The following KAT14 variants were observed in gnomAD, a reference collection of about 807,000 sequenced individuals.
KAT14 encodes cysteine-rich protein 2-binding protein.
A neutral mutation model predicts 78.4 loss-of-function variants in KAT14; 66 were observed. The ratio of observed to expected loss-of-function variants is 0.84; its 90% CI spans 0.69 to 1.03. The LOEUF is 1.03. Among genes scored for constraint, KAT14 ranks in the 50% least tolerant of loss-of-function variants. The pLI is 0.00. For missense variants in KAT14, 870 were observed against 972.5 expected (o/e 0.89, Z 1.40); for synonymous variants, 344 against 359.4 (o/e 0.96, Z 0.48).
chr20:18,149,745 G>A (rs1239745404), intron 3 of KAT14, among the ~76,000 whole-genome samples: 1 of 152,092 alleles, frequency 6.6e-6, no homozygotes, highest in Admixed American at 6.6e-5. Context: ...GGCTGAGGCG[G>A]GCAGGTCACT....
chr20:18,183,008 T>G, intron 8 of KAT14, 115 bp from the exon 9 acceptor site: 1 of 1,392,650 alleles, frequency 7.2e-7, no homozygotes. Flanking sequence ...TGTAAAACAG[T>G]GCAGGTTACT....
At chr20:18,183,522 T>A (rs946918725) in intron 9 of KAT14, 1 of 985,208 alleles carries the variant, frequency 1.0e-6, no homozygotes, top group Non-Finnish European at 1.2e-6. Context: ...TCCCTGTTTG[T>A]CTCTGTTTCC....
intron 1 of KAT14, among the ~76,000 whole-genome samples, chr20:18,138,841 A>C (rs1378493674): frequency 6.6e-6 from 1 of 152,162 alleles, no homozygotes; most frequent in Non-Finnish European, 1.5e-5. Context: ...CTACCTCACT[A>C]AGCACCTTGG....
chr20:18,166,111 A>G (rs1600229959), intron 7 of KAT14, among the ~76,000 whole-genome samples: 1 of 152,364 alleles, frequency 6.6e-6, no homozygotes, highest in African/African-American at 2.4e-5. Context: ...CACAGAGACA[A>G]AAGGTATCTC....
intron 7 of KAT14, among the ~76,000 whole-genome samples, chr20:18,166,713 A>G (rs1208402841): frequency 1.3e-5 from 2 of 152,060 alleles, no homozygotes; most frequent in South Asian, 4.2e-4. Context: ...TCTGTATTTG[A>G]TCTCCTGTTT....
chr20:18,183,035 A>T, intron 8 of KAT14, 88 bp from the exon 9 acceptor site: 1 of 1,503,898 alleles, frequency 6.6e-7, no homozygotes, highest in Non-Finnish European at 8.9e-7. Context: ...TTTCAAGCAG[A>T]TCAAAGAGTT....
intron 2 of KAT14, among the ~76,000 whole-genome samples, chr20:18,144,742 G>A (rs1380383158): frequency 6.6e-6 from 1 of 152,180 alleles, no homozygotes; most frequent in Non-Finnish European, 1.5e-5. Context: ...AGAACAACTT[G>A]GGTGATTCCA....
chr20:18,154,067 C>T (rs1349072419), intron 4 of KAT14, among the ~76,000 whole-genome samples: 3 of 152,170 alleles, frequency 2.0e-5, no homozygotes, highest in Admixed American at 2.0e-4. Flanking sequence ...CACCCGGTTT[C>T]ATGCTACAGT....
rs189831857 is a variant in KAT14 at position 18,151,476 on chromosome 20, C to T, written c.500+534C>T. 2.1e-3 allele frequency among the ~76,000 whole-genome samples: 311 copies of T among 151,224 alleles called. 1 individual carries two copies. The highest frequency in any genetic ancestry group is 3.4e-3 in the Middle Eastern group (1 of 290). ...CTTCCCAAAGTGCTTGGATTACAGG[C>T]GTGAGCCACTGCGCCTGGCCTTATA... On this transcript the variant is annotated intron_variant, in intron 4 of 10. Transcript: ENST00000688188.
chr20:18,180,076 C>A (rs2039194064), intron 7 of KAT14, among the ~76,000 whole-genome samples: 1 of 152,096 alleles, frequency 6.6e-6, no homozygotes, highest in South Asian at 2.1e-4. Context: ...ACCATGTTGG[C>A]CAGGCTGGTC....
chr20:18,179,230 A>G (rs996540462), intron 7 of KAT14, among the ~76,000 whole-genome samples: 2 of 152,306 alleles, frequency 1.3e-5, no homozygotes, highest in East Asian at 3.9e-4. Context: ...CCAGTTGCAC[A>G]GTGCAGGCTA....
Position 18,162,841 on chromosome 20 carries a change from G to T in KAT14, c.1564G>T (p.Asp522Tyr). 6.2e-7 allele frequency: 1 copy of T among 1,614,168 alleles called. No homozygotes were observed. Among genetic ancestry groups the T allele is most frequent in the South Asian group, 1.1e-5 (1 of 91,086 alleles). ...QVVNAALLLV[D>Y]GIYGAKEGGI... ...TGTTAATGCTGCTCTTTTGTTAGTT[G>T]ACGGGATTTATGGAGCCAAAGAAGG... The change falls in exon 7 of 11, where the codon GAC (aspartate) becomes TAC (tyrosine). Residue 522 changes from aspartate to tyrosine, a missense_variant. Coordinates refer to ENST00000688188, the MANE Select transcript of KAT14 (RefSeq NM_001392073.1).
In KAT14 at chr20:18,140,382, A is replaced by C. The variant is rs535593557; in HGVS notation, c.-453-1826A>C. On this transcript the variant is annotated intron_variant, in intron 1 of 10. Coordinates refer to ENST00000688188, the MANE Select transcript of KAT14 (RefSeq NM_001392073.1). ...CCTCATAATGAAGCTGTAGGCCTGG[A>C]GGAGGTCCAGCAAGTAGGTATTATA... Among the ~76,000 whole-genome samples the C allele has an allele frequency of 4.6e-4, 70 of 152,232 alleles. No homozygotes were observed. The South Asian group carries it at 6.8e-3, about 15-fold the overall frequency.
intron 10 of KAT14, among the ~76,000 whole-genome samples, chr20:18,185,064 A>G (rs2039410273): frequency 6.6e-6 from 1 of 152,224 alleles, no homozygotes; most frequent in Non-Finnish European, 1.5e-5. Flanking sequence ...AGAAAATACC[A>G]AAAGCAAGAG....
intron 7 of KAT14, among the ~76,000 whole-genome samples, chr20:18,171,577 C>T (rs572570775): frequency 6.2e-4 from 95 of 152,136 alleles, no homozygotes; most frequent in Non-Finnish European, 1.0e-3. Context: ...TTTGGGAGGC[C>T]GAGGCGGGCG....
At chr20:18,173,260 C>T (rs1009998675) in intron 7 of KAT14, among the ~76,000 whole-genome samples, 7 of 152,278 alleles carry the variant, frequency 4.6e-5, no homozygotes, top group East Asian at 1.9e-4. Flanking sequence ...TAGACTTGTC[C>T]GCATTGAGCC....
intron 3 of KAT14, among the ~76,000 whole-genome samples, chr20:18,146,791 G>C (rs2037844598): frequency 1.3e-5 from 2 of 152,006 alleles, no homozygotes; most frequent in African/African-American, 4.8e-5. Flanking sequence ...GCTGCAATGA[G>C]CTGTGATCGA....
Position 18,162,503 on chromosome 20 carries a change from T to G in KAT14, c.1226T>G (p.Ile409Arg). The G allele has an allele frequency of 6.2e-7, 1 of 1,613,982 alleles. No homozygotes were observed. The highest frequency in any genetic ancestry group is 8.5e-7 in the Non-Finnish European group (1 of 1,179,984). The stretch of plus-strand genomic sequence containing the variant: ...AAGAAGGTCAGAGGCCCTGAACAGA[T>G]AAAGCAGGAGGTAGAGAGTGAGGAG... ...VRKKVRGPEQ[I>R]KQEVESEEEK... The change falls in exon 7 of 11, where the codon ATA (isoleucine) becomes AGA (arginine). Residue 409 changes from isoleucine to arginine, a missense_variant. By Grantham distance (97) the Ile-to-Arg change is moderately conservative (BLOSUM62 -3). Coordinates refer to ENST00000688188, the MANE Select transcript of KAT14 (RefSeq NM_001392073.1).
intron 8 of KAT14, among the ~76,000 whole-genome samples, chr20:18,182,655 C>T (rs2039301913): frequency 6.6e-6 from 1 of 152,190 alleles, no homozygotes; most frequent in African/African-American, 2.4e-5. Context: ...ACTACAATTG[C>T]CCTGCAGCTC....
Sources: allele counts gnomAD v4.1 joint callset (sites outside exome capture counted in the v4.1 genomes callset), GRCh38; gene constraint gnomAD v4.1.1; transcripts MANE v1.5; gene names NCBI Gene and HGNC (gene_info 2026-07-23, HGNC 2026-07-21).